Variants in CNTNAP2 observed in about 807,000 individuals in gnomAD.
CNTNAP2 encodes contactin-associated protein-like 2.
CNTNAP2 carries 98 observed loss-of-function variants against 155.2 expected under a neutral mutation model. That is an observed-to-expected ratio of 0.63 (90% CI 0.54 to 0.75). The LOEUF (loss-of-function observed/expected upper bound fraction) is 0.75. CNTNAP2 is among the 30% of genes least tolerant of loss of function. CNTNAP2 has a pLI of 0.00. For synonymous variants in CNTNAP2, 651 were observed against 631.2 expected (o/e 1.03, Z -0.47); for missense variants, 1,727 against 1,688.1 (o/e 1.02, Z -0.40).
chr7:146,213,662 A>G (rs1044720415), intron 1 of CNTNAP2, among the ~76,000 whole-genome samples: 19 of 152,174 alleles, frequency 1.2e-4, no homozygotes, highest in East Asian at 5.8e-4. Context: ...AAGTAACCCA[A>G]TGGGAACTAG....
At chr7:148,096,017 G>T (rs1048204893) in intron 15 of CNTNAP2, among the ~76,000 whole-genome samples, 1 of 151,868 alleles carries the variant, frequency 6.6e-6, no homozygotes, top group African/African-American at 2.4e-5. Flanking sequence ...TTTTTCACAG[G>T]GCGCAGAGAG....
At chr7:146,258,215 A>G (rs1443550904) in intron 1 of CNTNAP2, among the ~76,000 whole-genome samples, 4 of 152,114 alleles carry the variant, frequency 2.6e-5, no homozygotes, top group Non-Finnish European at 5.9e-5. Flanking sequence ...GTCTTCATTC[A>G]TTTATTAAAG....
intron 1 of CNTNAP2, among the ~76,000 whole-genome samples, chr7:146,625,217 T>C (rs571062709): frequency 7.8e-4 from 118 of 152,038 alleles, no homozygotes; most frequent in African/African-American, 2.7e-3. Context: ...AGCAGCACAT[T>C]ATTAATTAGA....
At chr7:146,542,553 C>T (rs1349031520) in intron 1 of CNTNAP2, among the ~76,000 whole-genome samples, 1 of 151,732 alleles carries the variant, frequency 6.6e-6, no homozygotes, top group Non-Finnish European at 1.5e-5. Context: ...AATTTTGGCC[C>T]CTAAACTCTA....
At chr7:147,925,497 C>T (rs934598141) in intron 14 of CNTNAP2, among the ~76,000 whole-genome samples, 1 of 151,824 alleles carries the variant, frequency 6.6e-6, no homozygotes, top group African/African-American at 2.4e-5. Flanking sequence ...GACGGAGTCT[C>T]GCTCTGTCGC....
chr7:146,759,760 T>G (rs2129183788), intron 1 of CNTNAP2, among the ~76,000 whole-genome samples: 1 of 147,834 alleles, frequency 6.8e-6, no homozygotes, highest in East Asian at 2.1e-4. Flanking sequence ...TCAGAAGTTA[T>G]AAATGGATGG....
intron 1 of CNTNAP2, among the ~76,000 whole-genome samples, chr7:146,569,743 A>G: frequency 6.6e-6 from 1 of 152,194 alleles, no homozygotes. Context: ...ACTACAGGAA[A>G]AAAAGGCAAA....
At chr7:147,969,733 A>T (rs1801297168) in intron 14 of CNTNAP2, among the ~76,000 whole-genome samples, 1 of 152,110 alleles carries the variant, frequency 6.6e-6, no homozygotes, top group African/African-American at 2.4e-5. Flanking sequence ...ATATTTAACA[A>T]AAACTAACTT....
chr7:147,750,863 C>G (rs570594811), intron 13 of CNTNAP2, among the ~76,000 whole-genome samples: 1 of 151,980 alleles, frequency 6.6e-6, no homozygotes, highest in African/African-American at 2.4e-5. Flanking sequence ...ATGGTGAAAC[C>G]CTGTCTCTAC....
chr7:146,170,493 A>G (rs1476413980), intron 1 of CNTNAP2, among the ~76,000 whole-genome samples: 1 of 147,250 alleles, frequency 6.8e-6, no homozygotes, highest in Admixed American at 6.7e-5. Flanking sequence ...ATTAAAAATT[A>G]GATGTTGAAT....
At position 147,917,426 on chromosome 7, in the gene CNTNAP2, G is replaced by T. The variant is rs73743383; in HGVS notation, c.2255+13705G>T. Among the ~76,000 whole-genome samples, 326 of 152,306 alleles carry T rather than the reference G, an allele frequency of 2.1e-3. 1 individual carries two copies. The highest frequency in any genetic ancestry group is 7.3e-3 in the African/African-American group (304 of 41,580). ...AAGTCCAGGCTCCTTCCAGCTCTCT[G>T]TTCTGGTGTTATTCAGATTTGACAT... is the stretch of plus-strand genomic sequence containing the variant. On this transcript the variant is annotated intron_variant, in intron 14 of 23. Coordinates refer to ENST00000361727, the MANE Select transcript of CNTNAP2 (RefSeq NM_014141.6).
At chr7:148,119,179 A>G (rs754045141) in intron 16 of CNTNAP2, among the ~76,000 whole-genome samples, 15 of 152,216 alleles carry the variant, frequency 9.9e-5, no homozygotes, top group Non-Finnish European at 1.3e-4. Flanking sequence ...AGGCCAGGCT[A>G]TGTCCCCTGT....
intron 12 of CNTNAP2, among the ~76,000 whole-genome samples, chr7:147,602,275 C>T (rs1800963358): frequency 6.6e-6 from 1 of 151,290 alleles, no homozygotes; most frequent in Admixed American, 6.6e-5. Flanking sequence ...AATAAGATTT[C>T]AAAATAAATT....
intron 13 of CNTNAP2, among the ~76,000 whole-genome samples, chr7:147,830,431 G>T (rs1342705385): frequency 6.6e-6 from 1 of 152,002 alleles, no homozygotes; most frequent in African/African-American, 2.4e-5. Flanking sequence ...CCCCCAAAAG[G>T]CCCCACTTCC....
At chr7:147,574,353 G>A (rs1020981692) in intron 12 of CNTNAP2, among the ~76,000 whole-genome samples, 2 of 151,794 alleles carry the variant, frequency 1.3e-5, no homozygotes, top group African/African-American at 2.4e-5. Context: ...TTATTATTAC[G>A]AGTGGGAGGG....
At chr7:146,295,353 T>C (rs943743313) in intron 1 of CNTNAP2, among the ~76,000 whole-genome samples, 2 of 152,194 alleles carry the variant, frequency 1.3e-5, no homozygotes, top group African/African-American at 4.8e-5. Context: ...TTTGTTTTCC[T>C]GCAAAAGCAT....
At chr7:147,567,028 G>T (rs550473135) in intron 12 of CNTNAP2, among the ~76,000 whole-genome samples, 2 of 152,274 alleles carry the variant, frequency 1.3e-5, no homozygotes, top group East Asian at 3.9e-4. Context: ...AGTGGATGTG[G>T]TGGTGCCACA....
chr7:148,294,182 A>G (rs140748153), intron 21 of CNTNAP2, among the ~76,000 whole-genome samples: 26 of 151,902 alleles, frequency 1.7e-4, no homozygotes, highest in Non-Finnish European at 2.9e-4. Flanking sequence ...CCAATATTAT[A>G]TTATAACCTC....
chr7:148,332,574 G>A (rs1386108873), intron 21 of CNTNAP2, among the ~76,000 whole-genome samples: 1 of 152,134 alleles, frequency 6.6e-6, no homozygotes. Flanking sequence ...ATTAAAAATT[G>A]GACTTAGCTA....
Sources: gnomAD v4.1 joint callset for allele counts (sites outside exome capture counted in the v4.1 genomes callset) on GRCh38, gnomAD v4.1.1 for gene constraint, MANE v1.5 for transcripts, NCBI Gene and HGNC (gene_info 2026-07-23, HGNC 2026-07-21) for gene names.